Variants in AMN1 observed in about 807,000 individuals in gnomAD.
The protein encoded by AMN1 is protein AMN1 homolog.
Under a neutral mutation model 33.0 loss-of-function variants are expected in AMN1, and 20 were observed. The observed-to-expected ratio is 0.61, with a 90% confidence interval of 0.43 to 0.88. The LOEUF is 0.88. AMN1 is among the 40% of genes least tolerant of loss of function. AMN1 has a pLI of 0.00. For missense variants in AMN1, 246 were observed against 307.4 expected, an observed-to-expected ratio of 0.80 and a Z score of 1.49; for synonymous variants, 114 against 111.9, an observed-to-expected ratio of 1.02 and a Z score of -0.12.
intron 1 of AMN1, among the ~76,000 whole-genome samples, chr12:31,713,629 C>T (rs773865644): frequency 3.9e-5 from 6 of 152,084 alleles, no homozygotes; most frequent in Non-Finnish European, 8.8e-5. Context: ...TCACTTGAGC[C>T]CAGGAGTTCA....
intron 5 of AMN1, 55 bp from the exon 6 acceptor site, chr12:31,689,173 G>A (rs1428452805): frequency 3.4e-6 from 4 of 1,187,610 alleles, no homozygotes; most frequent in Admixed American, 2.3e-5. Context: ...TATAATAACA[G>A]TATGAACAAT....
At chr12:31,686,477 C>T (rs1938267212) in intron 6 of AMN1, among the ~76,000 whole-genome samples, 1 of 152,046 alleles carries the variant, frequency 6.6e-6, no homozygotes, top group South Asian at 2.1e-4. Context: ...GTATTTATTG[C>T]TTCTCTCTAC....
In AMN1 at chr12:31,708,706, G is replaced by A. The variant is rs532077659; in HGVS notation, c.171+587C>T. The A allele has an allele frequency of 9.0e-5, 15 of 166,544 alleles. No individual in the cohort carries two copies. The South Asian group carries it at 1.4e-3, about 15-fold the overall frequency. The allele number at this position is 166,544 out of a possible 1,614,324, so 10.3% of individuals were successfully genotyped here. ...ACCGATATGTGATGTCACCCCCGGCGGCCCAGCTGTAAAATTCCTCTCTTT... is the reference window on the plus strand; with the variant it reads ...ACCGATATGTGATGTCACCCCCGGCAGCCCAGCTGTAAAATTCCTCTCTTT... On this transcript the variant is annotated intron_variant, in intron 2 of 6. Coordinates refer to ENST00000281471, the MANE Select transcript of AMN1 (RefSeq NM_001113402.2).
intron 2 of AMN1, among the ~76,000 whole-genome samples, chr12:31,705,570 A>G (rs1338379674): frequency 6.6e-6 from 1 of 152,116 alleles, no homozygotes; most frequent in Non-Finnish European, 1.5e-5. Context: ...CTTCCTTTTG[A>G]TTACAGGCTT....
intron 1 of AMN1, among the ~76,000 whole-genome samples, chr12:31,725,840 T>C (rs1206695402): frequency 2.6e-5 from 4 of 151,946 alleles, no homozygotes; most frequent in African/African-American, 9.7e-5. Context: ...GGAATACACA[T>C]GTGCACCACC....
At chr12:31,692,246 C>G (rs1461633842) in intron 5 of AMN1, among the ~76,000 whole-genome samples, 1 of 151,628 alleles carries the variant, frequency 6.6e-6, no homozygotes, top group Non-Finnish European at 1.5e-5. Flanking sequence ...CACCTGAGGT[C>G]AGGAGTTCGA....
In AMN1 at chr12:31,708,702, C is replaced by T. The variant is rs574419502; in HGVS notation, c.171+591G>A. The T allele has an allele frequency of 2.7e-4, 46 of 168,402 alleles. No individual in the cohort carries two copies. In the East Asian group the frequency reaches 3.9e-3, roughly 14 times the overall value. 10.4% of individuals were successfully genotyped at this position (168,402 alleles called of 1,614,324 possible). A position where few individuals can be genotyped will look rare whatever the true frequency, so the allele number is the denominator to read the frequency against. Reference sequence around the variant, plus strand: ...TCCTACCGATATGTGATGTCACCCCCGGCGGCCCAGCTGTAAAATTCCTCT... The same window carrying T: ...TCCTACCGATATGTGATGTCACCCCTGGCGGCCCAGCTGTAAAATTCCTCT... On this transcript the variant is annotated intron_variant, in intron 2 of 6. Transcript: ENST00000281471.
In AMN1 at chr12:31,706,507, G is replaced by A. The variant is rs963805267; in HGVS notation, c.171+2786C>T. ...GCAAACCCAAAGACAATATTTAAAT[G>A]TAAGTAGTGTAGAAACTACTAACTA... is the stretch of plus-strand genomic sequence containing the variant. On this transcript the variant is annotated intron_variant, in intron 2 of 6. Transcript: ENST00000281471. Among the ~76,000 whole-genome samples the A allele has an allele frequency of 5.9e-5, 9 of 152,116 alleles. No homozygotes were observed. The East Asian group carries it at 9.7e-4, about 16-fold the overall frequency.
Position 31,683,107 on chromosome 12 carries a change from C to T in AMN1, c.703+5900G>A, listed in dbSNP as rs908460109. 2.6e-5 allele frequency among the ~76,000 whole-genome samples: 4 copies of T among 151,978 alleles called. No homozygotes were observed. In the South Asian group the frequency reaches 6.2e-4, roughly 24 times the overall value. On this transcript the variant is annotated intron_variant, in intron 6 of 6. Coordinates refer to ENST00000281471, the MANE Select transcript of AMN1 (RefSeq NM_001113402.2). The surrounding 1 kb of genome is among the most constrained non-coding windows in gnomAD (Gnocchi z 4.1). ...CCATCAGAGTAGCTGGGATTACAGG[C>T]GTGCGCCACCATGCCCAGCTAATTT... is the stretch of plus-strand genomic sequence containing the variant.
At chr12:31,686,552 T>C (rs1938270804) in intron 6 of AMN1, among the ~76,000 whole-genome samples, 2 of 152,192 alleles carry the variant, frequency 1.3e-5, no homozygotes, top group Non-Finnish European at 2.9e-5. Context: ...ATACACAAAG[T>C]CGAAAATGTG....
intron 1 of AMN1, among the ~76,000 whole-genome samples, chr12:31,717,813 C>T (rs1279898645): frequency 1.3e-5 from 2 of 151,958 alleles, no homozygotes; most frequent in African/African-American, 4.8e-5. Flanking sequence ...ATCAACCTGT[C>T]ATCTAGGTTT....
At chr12:31,702,243 T>C (rs184753033) in intron 2 of AMN1, among the ~76,000 whole-genome samples, 2 of 152,202 alleles carry the variant, frequency 1.3e-5, no homozygotes, top group Admixed American at 6.5e-5. Flanking sequence ...CACAAAGCAC[T>C]GTTGAGATGG....
At chr12:31,705,425 G>A (rs1274406883) in intron 2 of AMN1, among the ~76,000 whole-genome samples, 2 of 152,098 alleles carry the variant, frequency 1.3e-5, no homozygotes, top group African/African-American at 2.4e-5. Flanking sequence ...CTGAGCCCAG[G>A]AGGTTGAGGC....
At chr12:31,690,364 A>G (rs985594120) in intron 5 of AMN1, among the ~76,000 whole-genome samples, 4 of 152,232 alleles carry the variant, frequency 2.6e-5, no homozygotes, top group Non-Finnish European at 5.9e-5. Flanking sequence ...ACTAGTTTAC[A>G]TTCCCACCAG....
intron 1 of AMN1, among the ~76,000 whole-genome samples, chr12:31,725,174 A>G (rs1940017009): frequency 6.6e-6 from 1 of 152,214 alleles, no homozygotes; most frequent in Admixed American, 6.5e-5. Context: ...TTGATGAGCA[A>G]TCTGTCCAGA....
intron 6 of AMN1, among the ~76,000 whole-genome samples, chr12:31,680,872 A>T (rs1465449841): frequency 6.6e-6 from 1 of 152,216 alleles, no homozygotes; most frequent in Non-Finnish European, 1.5e-5. Flanking sequence ...CATGTTATAT[A>T]AGGTGTCACG....
chr12:31,726,099 C>T (rs1940053336), intron 1 of AMN1, among the ~76,000 whole-genome samples: 2 of 152,126 alleles, frequency 1.3e-5, no homozygotes, highest in Non-Finnish European at 2.9e-5. Context: ...GACACTTCTT[C>T]CTCCATAATA....
At chr12:31,715,063 T>C (rs1731417789) in intron 1 of AMN1, 2 of 269,944 alleles carry the variant, frequency 7.4e-6, no homozygotes, top group Admixed American at 1.3e-4. Context: ...ACAAAGCCAG[T>C]ACAGTACTAG....
intron 2 of AMN1, among the ~76,000 whole-genome samples, chr12:31,702,562 TC>T (rs1939053481): frequency 1.3e-5 from 2 of 152,008 alleles, no homozygotes; most frequent in Non-Finnish European, 1.5e-5. Context: ...ATTTTTCTGT[TC>T]TTTATTTTTT....
Sources: gnomAD v4.1 joint callset for allele counts (sites outside exome capture counted in the v4.1 genomes callset) on GRCh38, gnomAD v4.1.1 for gene constraint, Gnocchi (gnomAD v3.1) non-coding constraint, MANE v1.5 for transcripts, NCBI Gene and HGNC (gene_info 2026-07-23, HGNC 2026-07-21) for gene names.